Variants in CLSTN1 observed in about 807,000 individuals in gnomAD.
CLSTN1 encodes calsyntenin-1.
CLSTN1 carries 28 observed loss-of-function variants against 108.3 expected under a neutral mutation model. That is an observed-to-expected ratio of 0.26 (90% CI 0.19 to 0.35). CLSTN1 has a LOEUF of 0.35. Ranked by LOEUF, CLSTN1 falls within the 10% of genes least tolerant of loss-of-function variation. The pLI is 1.00. For missense variants in CLSTN1, 1,157 were observed against 1,302.6 expected (o/e 0.89, Z 1.72); for synonymous variants, 524 against 534.9 (o/e 0.98, Z 0.28).
chr1:9,784,195 T>C (rs1393684473), intron 1 of CLSTN1, among the ~76,000 whole-genome samples: 2 of 147,058 alleles, frequency 1.4e-5, no homozygotes, highest in African/African-American at 5.0e-5. Context: ...AAAAAAAAAT[T>C]AACCAAGCGT....
intron 1 of CLSTN1, among the ~76,000 whole-genome samples, chr1:9,787,005 G>T (rs1459712471): frequency 6.6e-6 from 1 of 151,460 alleles, no homozygotes; most frequent in Non-Finnish European, 1.5e-5. Flanking sequence ...AGGATGCCAG[G>T]AGAGTCCCAA....
chr1:9,757,599 T>TC (rs1651881262), intron 2 of CLSTN1, among the ~76,000 whole-genome samples: 1 of 152,152 alleles, frequency 6.6e-6, no homozygotes. Context: ...ATTTTTCTAA[T>TC]CCAAAGTACC....
At chr1:9,780,967 A>T in intron 1 of CLSTN1, 2 of 454,906 alleles carry the variant, frequency 4.4e-6, no homozygotes, top group East Asian at 7.8e-5. Flanking sequence ...TGAGGTGTGG[A>T]ATTTTCCACT....
At chr1:9,757,913 T>C (rs1028966088) in intron 2 of CLSTN1, among the ~76,000 whole-genome samples, 2 of 152,168 alleles carry the variant, frequency 1.3e-5, no homozygotes, top group Admixed American at 1.3e-4. Context: ...TGCTACCATT[T>C]ATTCTCCCTG....
intron 2 of CLSTN1, among the ~76,000 whole-genome samples, chr1:9,758,035 G>A (rs554600385): frequency 1.3e-5 from 2 of 151,440 alleles, no homozygotes; most frequent in Non-Finnish European, 2.9e-5. Flanking sequence ...TTTCACTCTT[G>A]TTGCCCAGGA....
chr1:9,820,609 T>C (rs1250528110), intron 1 of CLSTN1, among the ~76,000 whole-genome samples: 1 of 152,142 alleles, frequency 6.6e-6, no homozygotes, highest in African/African-American at 2.4e-5. Flanking sequence ...AAGTGAAAAT[T>C]AGGATGCAAA....
chr1:9,735,279 T>C, intron 13 of CLSTN1, 105 bp from the exon 14 acceptor site: 1 of 1,383,360 alleles, frequency 7.2e-7, no homozygotes, highest in African/African-American at 1.4e-5. Context: ...CACTAACACC[T>C]GCCGGGGCCA....
intron 1 of CLSTN1, among the ~76,000 whole-genome samples, chr1:9,804,580 C>G (rs1654426799): frequency 6.6e-6 from 1 of 152,070 alleles, no homozygotes; most frequent in Non-Finnish European, 1.5e-5. Flanking sequence ...AGCTGTGGCT[C>G]ACACCAATCA....
chr1:9,741,243 T>C lies in CLSTN1; in HGVS notation c.1370A>G (p.Glu457Gly). Residue 457 changes from glutamate (E) to glycine (G), a missense_variant, in exon 10 of 19, where the codon GAA (glutamate) becomes GGA (glycine). Coordinates refer to ENST00000377298, the MANE Select transcript of CLSTN1 (RefSeq NM_001009566.3). ...TACATTGAGGACGTAGTGGTGCCAT[T>C]CCTCATCACAGACCTACAGAGGCAA... ...HWKLNQVCDE[E>G]WHHYVLNVEF... 2 of 1,611,068 alleles carry C rather than the reference T, an allele frequency of 1.2e-6. No individual in the cohort carries two copies. The highest frequency in any genetic ancestry group is 1.7e-6 in the Non-Finnish European group (2 of 1,177,458).
At chr1:9,787,867 C>G (rs2101213412) in intron 1 of CLSTN1, among the ~76,000 whole-genome samples, 1 of 151,442 alleles carries the variant, frequency 6.6e-6, no homozygotes, top group South Asian at 2.2e-4. Context: ...TCTTGCAAAA[C>G]TGAAACTCTG....
chr1:9,796,262 A>G (rs111642585), intron 1 of CLSTN1, among the ~76,000 whole-genome samples: 2,257 of 48,792 alleles, frequency 0.046, 45 homozygotes, highest in African/African-American at 0.13. Flanking sequence ...ACTGTCTCCA[A>G]AAACAAAAAA....
rs1331688550 is a variant in CLSTN1, at chr1:9,823,286, C to A, written c.91+357G>T. On this transcript the variant is annotated intron_variant, in intron 1 of 18. Transcript: ENST00000377298. This position sits in a 1 kb window ranked among gnomAD's most constrained non-coding sequence, Gnocchi z 6.3. ...CGCTGAGCAGGGCGGACTGACCCTT[C>A]GGCCCGTCTGCACGTTCCCCCAAAT... Among the ~76,000 whole-genome samples, 4 of 152,224 alleles carry A rather than the reference C, an allele frequency of 2.6e-5. No individual in the cohort carries two copies. Among genetic ancestry groups the A allele is most frequent in the Admixed American group, 2.0e-4 (3 of 15,286 alleles).
chr1:9,774,708 T>C (rs143160685), intron 1 of CLSTN1, among the ~76,000 whole-genome samples: 132 of 151,844 alleles, frequency 8.7e-4, no homozygotes, highest in African/African-American at 3.1e-3. Context: ...ACAGTGTTAC[T>C]GAACTTCATG....
At chr1:9,820,819 A>T (rs1655163906) in intron 1 of CLSTN1, among the ~76,000 whole-genome samples, 1 of 152,186 alleles carries the variant, frequency 6.6e-6, no homozygotes, top group Admixed American at 6.6e-5. Flanking sequence ...GCATGTTAGA[A>T]TGGGCTAAGT....
chr1:9,823,653 CCA>C lies in CLSTN1; in HGVS notation c.79_80del (p.Trp27GlyfsTer5). On this transcript the variant is annotated frameshift_variant, in exon 1 of 19. Coordinates refer to ENST00000377298, the MANE Select transcript of CLSTN1 (RefSeq NM_001009566.3). LOFTEE classifies it high-confidence loss of function. The surrounding 1 kb of genome is among the most constrained non-coding windows in gnomAD (Gnocchi z 6.3). ...LAGLLCGGGV[W>X]AARVNKHKPW... ...AGCCCCGGGGCTTACCTCGCGCGGC[CCA>C]GACCCCGCCGCCGCACAGCAGCCCG... 8.5e-7 allele frequency: 1 copy of C among 1,179,096 alleles called. No homozygotes were observed. Among genetic ancestry groups the C allele is most frequent in the Non-Finnish European group, 1.0e-6 (1 of 952,728 alleles). 73.0% of individuals were successfully genotyped at this position (1,179,096 alleles called of 1,614,324 possible).
In CLSTN1 at chr1:9,730,247, G is replaced by C. The variant is rs1472783697; in HGVS notation, c.*261C>G. 3.6e-6 allele frequency: 2 copies of C among 557,560 alleles called. No homozygotes were observed. The highest frequency in any genetic ancestry group is 6.5e-6 in the Non-Finnish European group (2 of 309,518). The allele number at this position is 557,560 out of a possible 1,614,324, so 34.5% of individuals were successfully genotyped here. On this transcript the variant is annotated 3_prime_UTR_variant, in exon 19 of 19. Coordinates refer to ENST00000377298, the MANE Select transcript of CLSTN1 (RefSeq NM_001009566.3). The surrounding 1 kb of genome is among the most constrained non-coding windows in gnomAD (Gnocchi z 5.6). ...CTCCAGACACAAACGCGGGGCCTGA[G>C]GCGCTGGGAGGCCCCTGTGCGAGCC...
intron 4 of CLSTN1, among the ~76,000 whole-genome samples, chr1:9,752,026 C>T (rs575931435): frequency 6.6e-5 from 10 of 151,752 alleles, no homozygotes; most frequent in East Asian, 3.9e-4. Context: ...CAATACCAGA[C>T]GTCTGTTTGC....
At chr1:9,768,407 G>A (rs1484600885) in intron 2 of CLSTN1, among the ~76,000 whole-genome samples, 1 of 110,926 alleles carries the variant, frequency 9.0e-6, no homozygotes, top group Non-Finnish European at 1.7e-5. Flanking sequence ...TGTGTTGGGC[G>A]GCACCGGGGG....
At chr1:9,742,292 A>G (rs1217703462) in intron 9 of CLSTN1, among the ~76,000 whole-genome samples, 1 of 152,118 alleles carries the variant, frequency 6.6e-6, no homozygotes, top group Non-Finnish European at 1.5e-5. Flanking sequence ...GCGGGCGTCT[A>G]CAAGAATGAA....
Sources: gnomAD v4.1 joint callset for allele counts (sites outside exome capture counted in the v4.1 genomes callset) on GRCh38, gnomAD v4.1.1 for gene constraint, Gnocchi (gnomAD v3.1) non-coding constraint, MANE v1.5 for transcripts, NCBI Gene and HGNC (gene_info 2026-07-23, HGNC 2026-07-21) for gene names.